The following CSMD3 variants were observed in gnomAD, a reference collection of about 807,000 sequenced individuals.
CSMD3 encodes the protein CUB and Sushi multiple domains 3, also known as CUB and sushi domain-containing protein 3.
CSMD3 carries 177 observed loss-of-function variants against 435.2 expected under a neutral mutation model. That is an observed-to-expected ratio of 0.41 (90% CI 0.36 to 0.46). The LOEUF (loss-of-function observed/expected upper bound fraction) is 0.46. Ranked by LOEUF, CSMD3 falls within the 20% of genes least tolerant of loss-of-function variation. The probability of loss-of-function intolerance (pLI) is 0.34; values close to 1 mark genes in which losing one functional copy is unlikely to be tolerated. For synonymous variants in CSMD3, 1,656 were observed against 1,520.5 expected, an observed-to-expected ratio of 1.09 and a Z score of -2.07; for missense variants, 4,265 against 4,504.6, an observed-to-expected ratio of 0.95 and a Z score of 1.52.
chr8:112,324,713 T>G (rs2130892665), intron 45 of CSMD3, among the ~76,000 whole-genome samples: 1 of 152,156 alleles, frequency 6.6e-6, no homozygotes, highest in Non-Finnish European at 1.5e-5. Context: ...ATTTCATTTA[T>G]TTTAAGCTGA....
At chr8:112,272,089 A>T (rs1265063887) in intron 59 of CSMD3, among the ~76,000 whole-genome samples, 1 of 152,214 alleles carries the variant, frequency 6.6e-6, no homozygotes, top group Admixed American at 6.5e-5. Flanking sequence ...GTGCCATCTT[A>T]GAAGCAACAA....
intron 38 of CSMD3, among the ~76,000 whole-genome samples, chr8:112,361,128 A>G (rs1216334511): frequency 3.9e-5 from 6 of 151,924 alleles, no homozygotes; most frequent in African/African-American, 1.2e-4. Flanking sequence ...AACCAAGGCT[A>G]GTTTCCTGCT....
At chr8:112,998,715 CA>C (rs202211040) in intron 6 of CSMD3, among the ~76,000 whole-genome samples, 7,141 of 152,014 alleles carry the variant, frequency 0.047, 226 homozygotes, top group Non-Finnish European at 0.069. Flanking sequence ...TGTAAATTTT[CA>C]ATCCCCAGTA....
intron 22 of CSMD3, among the ~76,000 whole-genome samples, chr8:112,594,715 C>A (rs1563745704): frequency 6.6e-6 from 1 of 152,184 alleles, no homozygotes. Flanking sequence ...CCCTGACCCC[C>A]CGAGCAGCCT....
chr8:112,889,042 T>C (rs984136582), intron 10 of CSMD3, among the ~76,000 whole-genome samples: 1 of 151,686 alleles, frequency 6.6e-6, no homozygotes, highest in Non-Finnish European at 1.5e-5. Flanking sequence ...AGAAAATGGT[T>C]TGTTTTAAAA....
At chr8:112,951,567 C>G (rs569688810) in intron 8 of CSMD3, among the ~76,000 whole-genome samples, 2 of 151,868 alleles carry the variant, frequency 1.3e-5, no homozygotes, top group Non-Finnish European at 3.0e-5. Context: ...ACACTGATAT[C>G]AACATTGTAT....
chr8:112,529,688 T>A (rs1251946546), intron 27 of CSMD3, among the ~76,000 whole-genome samples: 9 of 151,902 alleles, frequency 5.9e-5, no homozygotes, highest in Admixed American at 2.0e-4. Flanking sequence ...TGGTTGATGG[T>A]GGTCTTCTCT....
At chr8:112,892,210 A>T (rs2081813607) in intron 10 of CSMD3, among the ~76,000 whole-genome samples, 1 of 151,556 alleles carries the variant, frequency 6.6e-6, no homozygotes, top group Admixed American at 6.6e-5. Context: ...AAATGTGATC[A>T]CAGGCCAAGA....
rs1335599512 is a variant in CSMD3 at position 112,277,485 on chromosome 8, G to T, written c.9508+3689C>A. On this transcript the variant is annotated intron_variant, in intron 59 of 70. Coordinates refer to ENST00000297405, the MANE Select transcript of CSMD3 (RefSeq NM_198123.2). ...CTCAAAGCCATTCAACAAGTCTCTA[G>T]GAAGTTCCAAACTTTCCCACATTTT... Among the ~76,000 whole-genome samples the T allele has an allele frequency of 2.0e-5, 3 of 152,120 alleles. No individual in the cohort carries two copies. The East Asian group carries it at 5.8e-4, about 29-fold the overall frequency.
intron 13 of CSMD3, among the ~76,000 whole-genome samples, chr8:112,742,799 C>A (rs2077341702): frequency 6.6e-6 from 1 of 151,792 alleles, no homozygotes; most frequent in South Asian, 2.1e-4. Context: ...GATTCTACTG[C>A]AAGGAAATGA....
chr8:113,183,766 C>A (rs2092457929), intron 3 of CSMD3, among the ~76,000 whole-genome samples: 2 of 151,936 alleles, frequency 1.3e-5, no homozygotes. Context: ...ATACTATATA[C>A]ATGCAGTGTG....
At chr8:112,641,292 C>T (rs895888226) in intron 20 of CSMD3, among the ~76,000 whole-genome samples, 4 of 152,118 alleles carry the variant, frequency 2.6e-5, no homozygotes, top group African/African-American at 4.8e-5. Context: ...TTAAGACCTT[C>T]AAAGTTGTGC....
chr8:112,353,452 T>C (rs549277150), intron 38 of CSMD3, among the ~76,000 whole-genome samples: 3 of 152,298 alleles, frequency 2.0e-5, no homozygotes, highest in Non-Finnish European at 1.5e-5. Context: ...TATTATGTGC[T>C]ACTTGAATTC....
intron 10 of CSMD3, among the ~76,000 whole-genome samples, chr8:112,880,431 T>C (rs887396329): frequency 6.6e-6 from 1 of 152,020 alleles, no homozygotes; most frequent in African/African-American, 2.4e-5. Flanking sequence ...TATGGAACCA[T>C]AAAAGAATAG....
chr8:113,394,545 C>T (rs905984854), intron 1 of CSMD3, among the ~76,000 whole-genome samples: 14 of 152,094 alleles, frequency 9.2e-5, no homozygotes, highest in Admixed American at 5.9e-4. Flanking sequence ...AATTCTAGTG[C>T]TATATTTCTA....
At chr8:113,257,695 T>C (rs1040599033) in intron 3 of CSMD3, among the ~76,000 whole-genome samples, 2 of 152,198 alleles carry the variant, frequency 1.3e-5, no homozygotes, top group African/African-American at 4.8e-5. Context: ...ATACTCAACA[T>C]CAGGAAATTA....
At chr8:112,854,257 C>T (rs2080582133) in intron 11 of CSMD3, among the ~76,000 whole-genome samples, 1 of 152,128 alleles carries the variant, frequency 6.6e-6, no homozygotes, top group African/African-American at 2.4e-5. Flanking sequence ...CTAAGACTTT[C>T]AAAAATGGGT....
intron 1 of CSMD3, among the ~76,000 whole-genome samples, chr8:113,419,086 G>C (rs147518721): frequency 6.6e-6 from 1 of 150,678 alleles, no homozygotes; most frequent in East Asian, 2.0e-4. Flanking sequence ...TATTTAAAGG[G>C]TATATGTGAT....
At position 112,496,122 on chromosome 8, in the gene CSMD3, A is replaced by G. The variant is rs572254285; in HGVS notation, c.5084-3439T>C. Among the ~76,000 whole-genome samples the G allele has an allele frequency of 9.1e-4, 138 of 152,032 alleles. 1 individual carries two copies. The highest frequency in any genetic ancestry group is 3.1e-3 in the African/African-American group (130 of 41,466). ...GTAGCTGGGACTACAGGAGCCCGCC[A>G]CCACGCCCGGCCAATTTTTTGTATT... On this transcript the variant is annotated intron_variant, in intron 30 of 70. Transcript: ENST00000297405.
Sources: allele counts gnomAD v4.1 joint callset (sites outside exome capture counted in the v4.1 genomes callset), GRCh38; gene constraint gnomAD v4.1.1; transcripts MANE v1.5; gene names NCBI Gene and HGNC (gene_info 2026-07-23, HGNC 2026-07-21).